Variants in A1CF observed in about 807,000 individuals in gnomAD.
The protein encoded by A1CF is APOBEC-1 stimulating protein.
In A1CF, 48 loss-of-function variants were observed where a neutral mutation model predicts 68.9. The ratio of observed to expected loss-of-function variants is 0.70; its 90% CI spans 0.55 to 0.89. The LOEUF is 0.89. Ranked by LOEUF, A1CF falls within the 40% of genes least tolerant of loss-of-function variation. The probability of loss-of-function intolerance (pLI) is 0.00; values close to 1 mark genes in which losing one functional copy is unlikely to be tolerated. For missense variants in A1CF, 653 were observed against 718.9 expected (o/e 0.91, Z 1.05); for synonymous variants, 272 against 260.4 (o/e 1.04, Z -0.43).
intron 7 of A1CF, among the ~76,000 whole-genome samples, chr10:50,825,549 A>G (rs1370272699): frequency 2.0e-5 from 3 of 152,186 alleles, no homozygotes; most frequent in East Asian, 1.9e-4. Context: ...GAGCCCTTTT[A>G]TCAGCAACAT....
At chr10:50,827,675 A>G (rs1291687198) in intron 7 of A1CF, among the ~76,000 whole-genome samples, 1 of 152,232 alleles carries the variant, frequency 6.6e-6, no homozygotes, top group East Asian at 1.9e-4. Context: ...AATGCCCACA[A>G]GAGAAAGCAG....
In A1CF at chr10:50,844,071, G is replaced by A. The variant is rs764700910; in HGVS notation, c.151C>T (p.Pro51Ser). The change falls in exon 4 of 13, where the codon CCC (proline) becomes TCC (serine). Residue 51 changes from proline to serine, a missense_variant. Pro to Ser is a moderately conservative substitution (Grantham distance 74). Transcript: ENST00000373997. ...AAAATTTCACAGCCCCTTTCAGGGGGTGCAGCATCCCAACCAGGTGGAGGG... is the reference window on the plus strand; with the variant it reads ...AAAATTTCACAGCCCCTTTCAGGGGATGCAGCATCCCAACCAGGTGGAGGG... ...GGPPPGWDAA[P>S]PERGCEIFIG... The A allele has an allele frequency of 9.9e-6, 16 of 1,613,132 alleles. No individual in the cohort carries two copies. Among genetic ancestry groups the A allele is most frequent in the African/African-American group, 1.3e-5 (1 of 74,828 alleles).
intron 7 of A1CF, chr10:50,824,220 G>A (rs890865291): frequency 7.2e-5 from 11 of 152,062 alleles, no homozygotes; most frequent in African/African-American, 2.2e-4. Flanking sequence ...GATATGTGAT[G>A]TTCATTATTT....
chr10:50,864,445 A>G (rs951680004), intron 1 of A1CF, among the ~76,000 whole-genome samples: 1 of 152,116 alleles, frequency 6.6e-6, no homozygotes, highest in African/African-American at 2.4e-5. Flanking sequence ...CAATGGGATG[A>G]GCAAAGGACA....
intron 1 of A1CF, among the ~76,000 whole-genome samples, chr10:50,874,146 A>C (rs1589048155): frequency 6.6e-6 from 1 of 152,098 alleles, no homozygotes; most frequent in African/African-American, 2.4e-5. Context: ...TGTTACCTTA[A>C]CTCTTAGGAA....
intron 1 of A1CF, among the ~76,000 whole-genome samples, chr10:50,884,046 A>G (rs1278941458): frequency 4.6e-5 from 7 of 152,138 alleles, no homozygotes; most frequent in African/African-American, 1.7e-4. Context: ...TACTCAAAAC[A>G]CTCATGTGGT....
intron 1 of A1CF, among the ~76,000 whole-genome samples, chr10:50,868,167 G>A (rs1841083813): frequency 6.6e-6 from 1 of 152,162 alleles, no homozygotes; most frequent in Non-Finnish European, 1.5e-5. Context: ...TATGTAACAT[G>A]CAAGTTGTAC....
At position 50,806,635 on chromosome 10, in the gene A1CF, ATT is replaced by A; in HGVS notation, c.*92_*93del. On this transcript the variant is annotated 3_prime_UTR_variant, in exon 13 of 13. Transcript: ENST00000373997. ...AAGGCATTTCTTTAGGAAACATATT[ATT>A]TATGATCATTGGGGACCGAGTTAGA... 1 of 1,208,606 alleles carries A rather than the reference ATT, an allele frequency of 8.3e-7. No homozygotes were observed. Among genetic ancestry groups the A allele is most frequent in the Non-Finnish European group, 1.1e-6 (1 of 896,296 alleles). The allele number at this position is 1,208,606 out of a possible 1,614,324, so 74.9% of individuals were successfully genotyped here. A position where few individuals can be genotyped will look rare whatever the true frequency, so the allele number is the denominator to read the frequency against.
At chr10:50,824,394 A>G (rs1838821310) in intron 7 of A1CF, 2 of 152,162 alleles carry the variant, frequency 1.3e-5, no homozygotes, top group Non-Finnish European at 2.9e-5. Context: ...GATAAAAATA[A>G]GAAGTATTAT....
At chr10:50,853,884 G>A (rs1002154617) in intron 3 of A1CF, among the ~76,000 whole-genome samples, 2 of 151,068 alleles carry the variant, frequency 1.3e-5, no homozygotes, top group African/African-American at 2.4e-5. Context: ...TTTGGTTCAT[G>A]GGGCATAGTT....
intron 3 of A1CF, among the ~76,000 whole-genome samples, chr10:50,845,958 A>AG (rs1274537265): frequency 6.6e-6 from 1 of 152,028 alleles, no homozygotes; most frequent in Non-Finnish European, 1.5e-5. Context: ...TGTCTCAAAA[A>AG]AAAAAAAAAA....
rs1360160804 is a variant in A1CF at position 50,804,464 on chromosome 10, C to T, written c.*2265G>A. 1 of 152,148 alleles carries T rather than the reference C, an allele frequency of 6.6e-6. No individual in the cohort carries two copies. Among genetic ancestry groups the T allele is most frequent in the Non-Finnish European group, 1.5e-5 (1 of 67,996 alleles). The allele number at this position is 152,148 out of a possible 1,614,324, so 9.4% of individuals were successfully genotyped here. A position where few individuals can be genotyped will look rare whatever the true frequency, so the allele number is the denominator to read the frequency against. On this transcript the variant is annotated 3_prime_UTR_variant, in exon 13 of 13. Coordinates refer to ENST00000373997, the MANE Select transcript of A1CF (RefSeq NM_014576.4). ...GCAAAGATTTTAAGGAAAATCAGAA[C>T]TTTTGCTCCTAGAATTTGGAATGCT...
intron 1 of A1CF, among the ~76,000 whole-genome samples, chr10:50,873,574 C>T (rs895840490): frequency 2.0e-5 from 3 of 152,058 alleles, no homozygotes; most frequent in African/African-American, 7.2e-5. Context: ...TGGTGACACC[C>T]ATGGCTAAAG....
At chr10:50,839,501 A>T (rs746716954) in intron 5 of A1CF, among the ~76,000 whole-genome samples, 3 of 152,206 alleles carry the variant, frequency 2.0e-5, no homozygotes, top group Non-Finnish European at 4.4e-5. Context: ...GATAAAAGTG[A>T]TGCTCAAAGA....
chr10:50,853,315 C>T (rs1273631246), intron 3 of A1CF, among the ~76,000 whole-genome samples: 1 of 152,144 alleles, frequency 6.6e-6, no homozygotes, highest in East Asian at 1.9e-4. Flanking sequence ...CCTGTGTGCT[C>T]CATCTCCCAG....
At chr10:50,811,552 G>C (rs1219374374) in intron 10 of A1CF, among the ~76,000 whole-genome samples, 1 of 152,128 alleles carries the variant, frequency 6.6e-6, no homozygotes, top group Non-Finnish European at 1.5e-5. Context: ...CTCAATCTCT[G>C]TGTTTATAAT....
intron 3 of A1CF, among the ~76,000 whole-genome samples, chr10:50,846,916 G>A (rs12255568): frequency 0.011 from 1,642 of 152,220 alleles, 40 homozygotes; most frequent in African/African-American, 0.036. Flanking sequence ...TGAGCCACCC[G>A]CTGGTCTTGG....
intron 6 of A1CF, among the ~76,000 whole-genome samples, chr10:50,834,345 A>G (rs111514195): frequency 2.6e-4 from 40 of 152,286 alleles, no homozygotes; most frequent in Admixed American, 7.2e-4. Context: ...TACTGGAGGT[A>G]GGTTTCTCAA....
In A1CF at chr10:50,805,193, C is replaced by T. The variant is rs1191407473; in HGVS notation, c.*1536G>A. The stretch of plus-strand genomic sequence containing the variant: ...TCACAGAATTCCATTAAGGAGTTGA[C>T]AAAATTTTCCATGTCTTTGTGTTTA... On this transcript the variant is annotated 3_prime_UTR_variant, in exon 13 of 13. Transcript: ENST00000373997. 6.6e-6 allele frequency: 1 copy of T among 152,084 alleles called. No individual in the cohort carries two copies. The highest frequency in any genetic ancestry group is 2.4e-5 in the African/African-American group (1 of 41,412). 9.4% of individuals were successfully genotyped at this position (152,084 alleles called of 1,614,324 possible). A position where few individuals can be genotyped will look rare whatever the true frequency, so the allele number is the denominator to read the frequency against.
Sources: gnomAD v4.1 joint callset for allele counts (sites outside exome capture counted in the v4.1 genomes callset) on GRCh38, gnomAD v4.1.1 for gene constraint, MANE v1.5 for transcripts, NCBI Gene and HGNC (gene_info 2026-07-23, HGNC 2026-07-21) for gene names.